Variants in GRID2 observed in about 807,000 individuals in gnomAD.
GRID2 encodes glutamate receptor ionotropic, delta-2.
A neutral mutation model predicts 114.8 loss-of-function variants in GRID2; 33 were observed. That is an observed-to-expected ratio of 0.29 (90% CI 0.22 to 0.38). The LOEUF is 0.38. GRID2 is among the 10% of genes least tolerant of loss of function. The probability of loss-of-function intolerance (pLI) is 1.00; values close to 1 mark genes in which losing one functional copy is unlikely to be tolerated. For missense variants in GRID2, 1,184 were observed against 1,257.7 expected (o/e 0.94, Z 0.89); for synonymous variants, 505 against 449.9 (o/e 1.12, Z -1.55).
intron 2 of GRID2, among the ~76,000 whole-genome samples, chr4:92,799,461 G>A (rs1372049966): frequency 6.6e-6 from 1 of 151,982 alleles, no homozygotes; most frequent in Non-Finnish European, 1.5e-5. Flanking sequence ...TTTAGTGGCT[G>A]GAAGTCCAAG....
In GRID2 at chr4:93,115,489, A is replaced by G. The variant is rs144453366; in HGVS notation, c.735+4536A>G. ...TTAAATTCTGAGCTTGGAATTTTAA[A>G]CTTAGTAACTTCTAGATCATTCTAT... On this transcript the variant is annotated intron_variant, in intron 4 of 15. Transcript: ENST00000282020. Among the ~76,000 whole-genome samples the G allele has an allele frequency of 2.8e-4, 43 of 152,082 alleles. No homozygotes were observed. The East Asian group carries it at 6.6e-3, about 23-fold the overall frequency.
chr4:93,003,015 T>A (rs570031269), intron 2 of GRID2, among the ~76,000 whole-genome samples: 2 of 151,982 alleles, frequency 1.3e-5, no homozygotes, highest in East Asian at 3.9e-4. Context: ...TCTCTCTTAT[T>A]AGAACACTTG....
chr4:93,738,238 A>G (rs1432660875), intron 14 of GRID2, among the ~76,000 whole-genome samples: 2 of 152,148 alleles, frequency 1.3e-5, no homozygotes, highest in Non-Finnish European at 2.9e-5. Flanking sequence ...GGAAAGAGGT[A>G]AGATGGTACA....
intron 2 of GRID2, chr4:92,822,449 C>A: frequency 2.0e-6 from 1 of 490,544 alleles, no homozygotes; most frequent in South Asian, 1.7e-5. Flanking sequence ...GTGTTGCTGC[C>A]GTTAGGTGAG....
chr4:92,694,212 A>G (rs1177290559), intron 2 of GRID2, among the ~76,000 whole-genome samples: 1 of 152,188 alleles, frequency 6.6e-6, no homozygotes, highest in Non-Finnish European at 1.5e-5. Context: ...CCTGGTTGGA[A>G]TCCTTGTGCT....
At chr4:92,634,742 T>C (rs1225065213) in intron 2 of GRID2, among the ~76,000 whole-genome samples, 1 of 141,366 alleles carries the variant, frequency 7.1e-6, no homozygotes, top group Admixed American at 7.2e-5. Flanking sequence ...ATTTCTTTTT[T>C]TTTTCTTTTT....
At chr4:92,720,158 CATTA>C (rs1735741786) in intron 2 of GRID2, among the ~76,000 whole-genome samples, 1 of 151,972 alleles carries the variant, frequency 6.6e-6, no homozygotes, top group Non-Finnish European at 1.5e-5. Flanking sequence ...TTTTACTGTA[CATTA>C]ATTTTCAGCA....
intron 1 of GRID2, among the ~76,000 whole-genome samples, chr4:92,547,317 A>T (rs1726315633): frequency 6.6e-6 from 1 of 152,222 alleles, no homozygotes; most frequent in Non-Finnish European, 1.5e-5. Context: ...ACATAGAATT[A>T]TAATAGTTCT....
At chr4:92,943,164 T>A (rs1751311017) in intron 2 of GRID2, among the ~76,000 whole-genome samples, 1 of 152,180 alleles carries the variant, frequency 6.6e-6, no homozygotes, top group South Asian at 2.1e-4. Context: ...CTGCAGGGTG[T>A]TTTCCAGCTG....
At chr4:93,314,220 G>C (rs1180337412) in intron 8 of GRID2, among the ~76,000 whole-genome samples, 1 of 143,836 alleles carries the variant, frequency 7.0e-6, no homozygotes, top group Non-Finnish European at 1.5e-5. Context: ...CAGGATAATT[G>C]CTAGAACCTG....
Position 93,110,806 on chromosome 4 carries a change from A to C in GRID2, c.588A>C (p.Ala196=), listed in dbSNP as rs1240760839. 6.2e-7 allele frequency: 1 copy of C among 1,612,332 alleles called. No individual in the cohort carries two copies. Among genetic ancestry groups the C allele is most frequent in the Non-Finnish European group, 8.5e-7 (1 of 1,178,518 alleles). ...DKVSQQGMDV[A]LQKVENNINK... is the part of the protein sequence containing the mutation. Reference sequence around the variant, plus strand: ...TCTCTCAGCAGGGAATGGATGTTGCACTTCAGAAGGTAGAAAACAACATCA... The same window carrying C: ...TCTCTCAGCAGGGAATGGATGTTGCCCTTCAGAAGGTAGAAAACAACATCA... The change falls in exon 4 of 16, where the codon GCA becomes GCC. Residue 196 remains alanine, a synonymous_variant. Coordinates refer to ENST00000282020, the MANE Select transcript of GRID2 (RefSeq NM_001510.4).
intron 1 of GRID2, among the ~76,000 whole-genome samples, chr4:92,535,976 C>A (rs1282815022): frequency 6.6e-6 from 1 of 152,168 alleles, no homozygotes; most frequent in South Asian, 2.1e-4. Context: ...TGCAGACCTT[C>A]GTGGTGAGTG....
chr4:93,672,382 T>G (rs972299869), intron 14 of GRID2, among the ~76,000 whole-genome samples: 6 of 152,262 alleles, frequency 3.9e-5, no homozygotes, highest in Non-Finnish European at 8.8e-5. Context: ...GTCACGTGCA[T>G]GTGGGCAAGA....
intron 2 of GRID2, among the ~76,000 whole-genome samples, chr4:93,045,109 A>G (rs1726002508): frequency 6.6e-6 from 1 of 152,120 alleles, no homozygotes; most frequent in Non-Finnish European, 1.5e-5. Flanking sequence ...CTCATAAGGC[A>G]CTATACGCAA....
chr4:93,307,174 C>A (rs2149179280), intron 8 of GRID2, among the ~76,000 whole-genome samples: 1 of 150,504 alleles, frequency 6.6e-6, no homozygotes, highest in African/African-American at 2.4e-5. Context: ...TACACTCCAG[C>A]CTGGGCTACA....
At chr4:92,505,303 G>C (rs1274615948) in intron 1 of GRID2, among the ~76,000 whole-genome samples, 2 of 151,890 alleles carry the variant, frequency 1.3e-5, no homozygotes, top group African/African-American at 2.4e-5. Flanking sequence ...TTAATGGCCT[G>C]GATTAAATGG....
At chr4:92,886,578 T>C (rs1446219650) in intron 2 of GRID2, among the ~76,000 whole-genome samples, 1 of 151,966 alleles carries the variant, frequency 6.6e-6, no homozygotes, top group Admixed American at 6.6e-5. Flanking sequence ...TATCTTACCT[T>C]GCTATTATTA....
intron 2 of GRID2, among the ~76,000 whole-genome samples, chr4:92,944,725 A>AT (rs1751484904): frequency 6.6e-6 from 1 of 152,160 alleles, no homozygotes; most frequent in East Asian, 1.9e-4. Context: ...AATCTATTTG[A>AT]TTTTTTAAAT....
intron 1 of GRID2, among the ~76,000 whole-genome samples, chr4:92,562,645 G>C (rs1331912158): frequency 6.6e-6 from 1 of 152,164 alleles, no homozygotes; most frequent in East Asian, 1.9e-4. Context: ...GCCCGACCTA[G>C]AAACATGAAG....
Sources: allele counts gnomAD v4.1 joint callset (sites outside exome capture counted in the v4.1 genomes callset), GRCh38; gene constraint gnomAD v4.1.1; transcripts MANE v1.5; gene names NCBI Gene and HGNC (gene_info 2026-07-23, HGNC 2026-07-21).